DOHH: variants seen among roughly 807,000 people sequenced by gnomAD.
The protein encoded by DOHH is HEAT-like (PBS lyase) repeat containing 1.
Under a neutral mutation model 19.9 loss-of-function variants are expected in DOHH, and 16 were observed. The ratio of observed to expected loss-of-function variants is 0.80; its 90% CI spans 0.54 to 1.22. DOHH has a LOEUF of 1.22. DOHH is among the 50% of genes most tolerant of loss of function. The pLI is 0.00. For synonymous variants in DOHH, 233 were observed against 217.0 expected, an observed-to-expected ratio of 1.07 and a Z score of -0.65; for missense variants, 460 against 460.6, an observed-to-expected ratio of 1.00 and a Z score of 0.01.
rs2082870096 is a variant in DOHH at position 3,491,597 on chromosome 19, C to T, written c.804G>A (p.Val268=). 2 of 1,536,000 alleles carry T rather than the reference C, an allele frequency of 1.3e-6. No individual in the cohort carries two copies. Among genetic ancestry groups the T allele is most frequent in the South Asian group, 1.2e-5 (1 of 84,056 alleles). Residue 268 remains valine, a synonymous_variant, in exon 5 of 5, where the codon GTG becomes GTA. Transcript: ENST00000427575. The surrounding 1 kb of genome is among the most constrained non-coding windows in gnomAD (Gnocchi z 5.6). ...LQAHADDPER[V]VRESCEVALD... is the part of the protein sequence containing the mutation. ...GAGCCACCTCGCAGCTCTCACGCAC[C>T]ACGCGCTCTGGGTCGTCCGCGTGAG...
chr19:3,495,834 G>A (rs561193376), intron 2 of DOHH, among the ~76,000 whole-genome samples: 7 of 151,712 alleles, frequency 4.6e-5, no homozygotes, highest in South Asian at 2.1e-4. Flanking sequence ...ACTTGAACCC[G>A]GGAGGCAGAG....
At chr19:3,492,220 C>A (rs1234420736) in intron 4 of DOHH, 42 bp downstream of exon 4, 4 of 1,410,770 alleles carry the variant, frequency 2.8e-6, no homozygotes, top group Admixed American at 3.0e-5. Flanking sequence ...AACCTCACAG[C>A]GAGGCACTGC....
At chr19:3,500,429 C>T (rs2082941763) in intron 1 of DOHH, 132 bp downstream of exon 1, 1 of 152,250 alleles carries the variant, frequency 6.6e-6, no homozygotes, top group Non-Finnish European at 1.5e-5. Flanking sequence ...CGCCGGGACT[C>T]GAGACCCCTT....
chr19:3,498,189 C>T (rs1354131407), intron 1 of DOHH, among the ~76,000 whole-genome samples: 1 of 152,184 alleles, frequency 6.6e-6, no homozygotes, highest in Non-Finnish European at 1.5e-5. Context: ...TTGCTGTGAT[C>T]TCCATGAGGA....
At chr19:3,495,175 C>T (rs973401840) in intron 2 of DOHH, among the ~76,000 whole-genome samples, 5 of 151,972 alleles carry the variant, frequency 3.3e-5, no homozygotes, top group African/African-American at 1.2e-4. Flanking sequence ...CGGGGTTTCA[C>T]CATGTTGGCC....
intron 1 of DOHH, among the ~76,000 whole-genome samples, chr19:3,500,014 G>T (rs1185450391): frequency 6.6e-6 from 1 of 152,218 alleles, no homozygotes; most frequent in East Asian, 1.9e-4. Context: ...AATCCAGGAA[G>T]TCTGGCTCCA....
At position 3,496,725 on chromosome 19, in the gene DOHH, C is replaced by T. The variant is rs745823611; in HGVS notation, c.90G>A (p.Thr30=). 21 of 1,612,814 alleles carry T rather than the reference C, an allele frequency of 1.3e-5. No individual in the cohort carries two copies. The highest frequency in any genetic ancestry group is 4.5e-5 in the East Asian group (2 of 44,894). Residue 30 remains threonine, a synonymous_variant, in exon 2 of 5, where the codon ACG becomes ACA. Transcript: ENST00000427575. The surrounding 1 kb of genome is among the most constrained non-coding windows in gnomAD (Gnocchi z 4.8). ...CGCCTGGGCCGCCGAGCCCACGCAG[C>T]GTGAACAGCGCCCGGAAGCGGGCCT... The part of the protein sequence containing the change: ...PLQARFRALF[T]LRGLGGPGAI...
chr19:3,495,372 G>C (rs2082900861), intron 2 of DOHH, among the ~76,000 whole-genome samples: 1 of 152,132 alleles, frequency 6.6e-6, no homozygotes, highest in Non-Finnish European at 1.5e-5. Context: ...AACCTCCCTG[G>C]CTCAAGTAAT....
chr19:3,494,081 C>G lies in DOHH; in HGVS notation c.298G>C (p.Asp100His), dbSNP rs1256103308. The G allele has an allele frequency of 6.2e-7, 1 of 1,613,568 alleles. No individual in the cohort carries two copies. The highest frequency in any genetic ancestry group is 1.7e-5 in the Admixed American group (1 of 59,974). ...TTCAGGATCTCCAGAACTTCCGGGTCCCCGATGGCCCCCAGGGCCTCCCCT... is the reference window on the plus strand; with the variant it reads ...TTCAGGATCTCCAGAACTTCCGGGTGCCCGATGGCCCCCAGGGCCTCCCCT... ...EAGEALGAIG[D>H]PEVLEILKQY... is the part of the protein sequence containing the mutation. Residue 100 changes from aspartate to histidine, a missense_variant, in exon 3 of 5, where the codon GAC (aspartate) becomes CAC (histidine). Transcript: ENST00000427575.
Position 3,496,501 on chromosome 19 carries a change from C to A in DOHH, c.274+40G>T. On this transcript the variant is annotated intron_variant, in intron 2 of 4. Transcript: ENST00000427575. This position sits in a 1 kb window ranked among gnomAD's most constrained non-coding sequence, Gnocchi z 4.8. ...CACGTGGGGTCATGAAGAAGTGAGGCAGGAGGGAGCAGGTGCCCGGGACAC... is the reference window on the plus strand; with the variant it reads ...CACGTGGGGTCATGAAGAAGTGAGGAAGGAGGGAGCAGGTGCCCGGGACAC... 7 of 1,586,418 alleles carry A rather than the reference C, an allele frequency of 4.4e-6. No homozygotes were observed. Among genetic ancestry groups the A allele is most frequent in the Non-Finnish European group, 6.0e-6 (7 of 1,165,852 alleles).
At chr19:3,499,107 C>A (rs1004119981) in intron 1 of DOHH, among the ~76,000 whole-genome samples, 2 of 152,148 alleles carry the variant, frequency 1.3e-5, no homozygotes, top group Non-Finnish European at 2.9e-5. Flanking sequence ...TAAAAACTCT[C>A]TTCCTCCCCA....
In DOHH at chr19:3,496,629, C is replaced by G; in HGVS notation, c.186G>C (p.Leu62=). Residue 62 remains leucine (L), a synonymous_variant, in exon 2 of 5, where the codon CTG becomes CTC. Coordinates refer to ENST00000427575, the MANE Select transcript of DOHH (RefSeq NM_001145165.2). The surrounding 1 kb of genome is among the most constrained non-coding windows in gnomAD (Gnocchi z 4.8). The stretch of plus-strand genomic sequence containing the variant: ...TGGCGCGGGCATCCTGCATCTGGCC[C>G]AGGCAGTAGGCCAGCTCGTGCTTGA... The part of the protein sequence containing the change: ...ALLKHELAYC[L]GQMQDARAIP... The G allele has an allele frequency of 6.2e-7, 1 of 1,614,054 alleles. No individual in the cohort carries two copies. The highest frequency in any genetic ancestry group is 8.5e-7 in the Non-Finnish European group (1 of 1,180,034).
chr19:3,500,643 C>T lies in DOHH; in HGVS notation c.-155G>A, dbSNP rs4807481. 0.41 allele frequency: 62,614 copies of T among 152,220 alleles called. 14,252 individuals are homozygous for T. The highest frequency in any genetic ancestry group is 0.69 in the East Asian group (3,541 of 5,158). The allele number at this position is 152,220 out of a possible 1,614,324, so 9.4% of individuals were successfully genotyped here. ...ACCACCGCTTCACCTGCCGCGACGC[C>T]CGCAGTGCGGTCTGGGGGCCGCCAT... On this transcript the variant is annotated 5_prime_UTR_variant, in exon 1 of 5. Transcript: ENST00000427575.
In DOHH at chr19:3,491,843, G is replaced by C. The variant is rs2082872472; in HGVS notation, c.590-32C>G. Reference sequence around the variant, plus strand: ...GGGAGAGGGACACTCGCTGGGGCCAGGAGGGGTGGGAAGGGGAGCTCTGTC... The same window carrying C: ...GGGAGAGGGACACTCGCTGGGGCCACGAGGGGTGGGAAGGGGAGCTCTGTC... On this transcript the variant is annotated intron_variant, in intron 4 of 4. Coordinates refer to ENST00000427575, the MANE Select transcript of DOHH (RefSeq NM_001145165.2). This position sits in a 1 kb window ranked among gnomAD's most constrained non-coding sequence, Gnocchi z 5.6. 7.0e-7 allele frequency: 1 copy of C among 1,423,064 alleles called. No individual in the cohort carries two copies. The allele number at this position is 1,423,064 out of a possible 1,614,324, so 88.2% of individuals were successfully genotyped here.
chr19:3,500,002 G>C (rs548678298), intron 1 of DOHH, among the ~76,000 whole-genome samples: 5 of 152,314 alleles, frequency 3.3e-5, no homozygotes, highest in African/African-American at 1.2e-4. Context: ...TGAAGAGTTA[G>C]GAATCCAGGA....
chr19:3,492,789 C>G (rs2082880737), intron 3 of DOHH, among the ~76,000 whole-genome samples: 1 of 152,254 alleles, frequency 6.6e-6, no homozygotes, highest in East Asian at 1.9e-4. Context: ...TGGAAAGGCC[C>G]TGAGGCAGGA....
At position 3,491,520 on chromosome 19, in the gene DOHH, A is replaced by G; in HGVS notation, c.881T>C (p.Leu294Pro). 1 of 1,535,122 alleles carries G rather than the reference A, an allele frequency of 6.5e-7. No individual in the cohort carries two copies. The highest frequency in any genetic ancestry group is 8.7e-7 in the Non-Finnish European group (1 of 1,146,534). Residue 294 changes from leucine to proline, a missense_variant, in exon 5 of 5, where the codon CTG becomes CCG. Physicochemically the swap from Leu to Pro is moderately conservative, Grantham distance 98. Transcript: ENST00000427575. The surrounding 1 kb of genome is among the most constrained non-coding windows in gnomAD (Gnocchi z 5.6). ...TGRAFQYADG[L>P]EQLRGAPS Reference sequence around the variant, plus strand: ...GGAGGGGGCCCCGCGCAGCTGCTCCAGGCCGTCCGCGTACTGGAAGGCCCG... The same window carrying G: ...GGAGGGGGCCCCGCGCAGCTGCTCCGGGCCGTCCGCGTACTGGAAGGCCCG...
chr19:3,498,266 T>C (rs190793057), intron 1 of DOHH, among the ~76,000 whole-genome samples: 1 of 152,302 alleles, frequency 6.6e-6, no homozygotes, highest in Admixed American at 6.5e-5. Context: ...CATAACTGTT[T>C]CAGCACTGAC....
chr19:3,492,218 A>G (rs1377201814), intron 4 of DOHH, 44 bp downstream of exon 4: 9 of 1,407,390 alleles, frequency 6.4e-6, no homozygotes, highest in Non-Finnish European at 8.3e-6. Flanking sequence ...TGAACCTCAC[A>G]GCGAGGCACT....
Sources: allele counts gnomAD v4.1 joint callset (sites outside exome capture counted in the v4.1 genomes callset), GRCh38; gene constraint gnomAD v4.1.1; non-coding constraint Gnocchi (gnomAD v3.1); transcripts MANE v1.5; gene names NCBI Gene and HGNC (gene_info 2026-07-23, HGNC 2026-07-21).